HRH2: variants seen among roughly 807,000 people sequenced by gnomAD.
HRH2 encodes histamine receptor H2.
Under a neutral mutation model 20.1 loss-of-function variants are expected in HRH2, and 4 were observed. That is an observed-to-expected ratio of 0.20 (90% confidence interval 0.10 to 0.45). HRH2 has a LOEUF of 0.45. Ranked by LOEUF, HRH2 falls within the 20% of genes least tolerant of loss-of-function variation. The probability of loss-of-function intolerance (pLI) is 0.99; values close to 1 mark genes in which losing one functional copy is unlikely to be tolerated. For synonymous variants in HRH2, 197 were observed against 200.7 expected, an observed-to-expected ratio of 0.98 and a Z score of 0.16; for missense variants, 250 against 461.6, an observed-to-expected ratio of 0.54 and a Z score of 4.20.
chr5:175,674,301 A>T (rs917453311), intron 1 of HRH2, among the ~76,000 whole-genome samples: 2 of 152,186 alleles, frequency 1.3e-5, no homozygotes, highest in Non-Finnish European at 2.9e-5. Flanking sequence ...TGAGCTTTCC[A>T]AACCTCAGTT....
intron 1 of HRH2, among the ~76,000 whole-genome samples, chr5:175,674,466 T>C (rs1285276225): frequency 6.6e-6 from 1 of 151,866 alleles, no homozygotes; most frequent in Non-Finnish European, 1.5e-5. Flanking sequence ...CTATGATGCC[T>C]AGGGGATGAC....
intron 2 of HRH2, among the ~76,000 whole-genome samples, chr5:175,700,435 C>T (rs1324636227): frequency 6.6e-6 from 1 of 152,200 alleles, no homozygotes; most frequent in Non-Finnish European, 1.5e-5. Context: ...GCCTTTATGA[C>T]ACTCCTGTTT....
intron 2 of HRH2, among the ~76,000 whole-genome samples, chr5:175,692,421 C>T (rs1398987776): frequency 6.6e-6 from 1 of 152,220 alleles, no homozygotes; most frequent in East Asian, 1.9e-4. Flanking sequence ...AAATGTGTGC[C>T]ATTTCCAGCC....
At chr5:175,660,392 ACGCC>A (rs1380075453) in intron 1 of HRH2, among the ~76,000 whole-genome samples, 3 of 152,210 alleles carry the variant, frequency 2.0e-5, no homozygotes, top group Non-Finnish European at 4.4e-5. Context: ...AAATTATGGA[ACGCC>A]CATGTGACCA....
intron 1 of HRH2, among the ~76,000 whole-genome samples, chr5:175,659,641 A>T (rs1287662039): frequency 1.3e-5 from 2 of 152,126 alleles, no homozygotes; most frequent in Admixed American, 1.3e-4. Flanking sequence ...CTGTTCAGAG[A>T]CTGGAACCAG....
intron 2 of HRH2, among the ~76,000 whole-genome samples, chr5:175,701,901 T>A (rs571075443): frequency 2.6e-5 from 4 of 152,330 alleles, no homozygotes; most frequent in African/African-American, 9.6e-5. Flanking sequence ...GCTTCCAGTG[T>A]TCTGGCTCAG....
intron 2 of HRH2, among the ~76,000 whole-genome samples, chr5:175,694,597 G>A (rs11957214): frequency 0.05 from 7,639 of 152,244 alleles, 237 homozygotes; most frequent in Middle Eastern, 0.085. Flanking sequence ...TAGGCTCTGC[G>A]AGATTTTGAC....
intron 2 of HRH2, among the ~76,000 whole-genome samples, chr5:175,695,863 A>G (rs551840723): frequency 1.3e-5 from 2 of 152,376 alleles, no homozygotes; most frequent in South Asian, 4.1e-4. Context: ...AGAGGTGCCC[A>G]GGTCCAAGGC....
rs567006143 is a variant in HRH2, at chr5:175,673,735, G to A, written c.-525-8974G>A. The stretch of plus-strand genomic sequence containing the variant: ...TTTTTTTTTTTTTTGACGGAGTCTC[G>A]CTGTATCACCCAGGCTGGAGTGCAG... On this transcript the variant is annotated intron_variant, in intron 1 of 2. Transcript: ENST00000636584. 4.9e-5 allele frequency among the ~76,000 whole-genome samples: 7 copies of A among 141,450 alleles called. No homozygotes were observed. In the South Asian group the frequency reaches 6.6e-4, roughly 13 times the overall value. 92.8% of individuals were successfully genotyped at this position (141,450 alleles called of 152,430 possible).
At position 175,686,470 on chromosome 5, in the gene HRH2, C is replaced by G. The variant is rs1483609742; in HGVS notation, c.1076+2161C>G. 6.6e-6 allele frequency among the ~76,000 whole-genome samples: 1 copy of G among 152,218 alleles called. No homozygotes were observed. Among genetic ancestry groups the G allele is most frequent in the Non-Finnish European group, 1.5e-5 (1 of 68,044 alleles). On this transcript the variant is annotated intron_variant, in intron 2 of 2. Coordinates refer to ENST00000636584, the MANE Select transcript of HRH2 (RefSeq NM_001367711.1). This position sits in a 1 kb window ranked among gnomAD's most constrained non-coding sequence, Gnocchi z 4.7. ...AGTTGCTCTTCAGGGGCATCCTACT[C>G]CCACCCCTGCACCAAGTGCTAAGGG...
At chr5:175,706,338 A>G (rs1277251837) in intron 2 of HRH2, among the ~76,000 whole-genome samples, 1 of 152,248 alleles carries the variant, frequency 6.6e-6, no homozygotes, top group African/African-American at 2.4e-5. Flanking sequence ...ACAAAGAGAT[A>G]TGACTGAATA....
chr5:175,662,987 C>T (rs1312450121), intron 1 of HRH2, among the ~76,000 whole-genome samples: 1 of 152,200 alleles, frequency 6.6e-6, no homozygotes, highest in Admixed American at 6.5e-5. Flanking sequence ...CATGTTGTTG[C>T]ATGTATCAGC....
In HRH2 at chr5:175,662,451, C is replaced by T. The variant is rs532320116; in HGVS notation, c.-526+4296C>T. On this transcript the variant is annotated intron_variant, in intron 1 of 2. Transcript: ENST00000636584. ...ATCCTGTCCCAAATGTCAATAGTGCCGAGGTTAAGAAACCCTGGGCTGGAA... is the reference window on the plus strand; with the variant it reads ...ATCCTGTCCCAAATGTCAATAGTGCTGAGGTTAAGAAACCCTGGGCTGGAA... 1.6e-4 allele frequency among the ~76,000 whole-genome samples: 24 copies of T among 152,198 alleles called. No individual in the cohort carries two copies. In the South Asian group the frequency reaches 4.8e-3, roughly 30 times the overall value.
In HRH2 at chr5:175,664,901, G is replaced by A. The variant is rs75832621; in HGVS notation, c.-526+6746G>A. Among the ~76,000 whole-genome samples the A allele has an allele frequency of 7.2e-5, 11 of 152,302 alleles. No homozygotes were observed. In the East Asian group the frequency reaches 1.5e-3, roughly 21 times the overall value. ...GATCTTCTTGCCGTGGCCTCTCAACGTGCTGGGATTACAGGCGTGAGCCAC... is the reference window on the plus strand; with the variant it reads ...GATCTTCTTGCCGTGGCCTCTCAACATGCTGGGATTACAGGCGTGAGCCAC... On this transcript the variant is annotated intron_variant, in intron 1 of 2. Coordinates refer to ENST00000636584, the MANE Select transcript of HRH2 (RefSeq NM_001367711.1).
chr5:175,669,374 T>C (rs2113484967), intron 1 of HRH2, among the ~76,000 whole-genome samples: 1 of 151,124 alleles, frequency 6.6e-6, no homozygotes, highest in East Asian at 1.9e-4. Context: ...CTTTTTTTTT[T>C]TTTTTTTGAG....
chr5:175,703,262 A>C (rs1247830561), intron 2 of HRH2, among the ~76,000 whole-genome samples: 1 of 152,220 alleles, frequency 6.6e-6, no homozygotes, highest in South Asian at 2.1e-4. Flanking sequence ...CAATTATCTG[A>C]CTACAACAAA....
chr5:175,671,810 G>T (rs1230191094), intron 1 of HRH2, among the ~76,000 whole-genome samples: 2 of 152,142 alleles, frequency 1.3e-5, no homozygotes, highest in Non-Finnish European at 2.9e-5. Context: ...TATTTATTAT[G>T]CAGTGAGGTA....
At chr5:175,676,612 T>C (rs1191820841) in intron 1 of HRH2, among the ~76,000 whole-genome samples, 1 of 152,244 alleles carries the variant, frequency 6.6e-6, no homozygotes, top group Non-Finnish European at 1.5e-5. Flanking sequence ...TTTGTATAAA[T>C]TTATAGAGTA....
chr5:175,672,422 T>C (rs778942057), intron 1 of HRH2, among the ~76,000 whole-genome samples: 65 of 152,202 alleles, frequency 4.3e-4, no homozygotes, highest in Non-Finnish European at 7.3e-4. Context: ...CCACTGCGGA[T>C]GGAGGACTTT....
Sources: allele counts gnomAD v4.1 joint callset (sites outside exome capture counted in the v4.1 genomes callset), GRCh38; gene constraint gnomAD v4.1.1; non-coding constraint Gnocchi (gnomAD v3.1); transcripts MANE v1.5; gene names NCBI Gene and HGNC (gene_info 2026-07-23, HGNC 2026-07-21).